The following PAX3 variants were observed in gnomAD, a reference collection of about 807,000 sequenced individuals.
PAX3 encodes paired box protein Pax-3.
A neutral mutation model predicts 51.6 loss-of-function variants in PAX3; 14 were observed. That is an observed-to-expected ratio of 0.27 (90% CI 0.18 to 0.42). The LOEUF is 0.42. Ranked by LOEUF, PAX3 falls within the 10% of genes least tolerant of loss-of-function variation. The pLI, the probability that PAX3 is intolerant of heterozygous loss-of-function variation, is 1.00. For missense variants in PAX3, 540 were observed against 642.8 expected (o/e 0.84, Z 1.73); for synonymous variants, 280 against 253.4 (o/e 1.11, Z -1.00).
Position 222,201,369 on chromosome 2 carries a change from A to G in PAX3, c.*39T>C. 1 of 1,612,858 alleles carries G rather than the reference A, an allele frequency of 6.2e-7. No homozygotes were observed. On this transcript the variant is annotated 3_prime_UTR_variant, in exon 9 of 9. Transcript: ENST00000392070. ...TCTTCATATCTAGGCTGCGAAGACCAGAAACAGGGCCAGTTTTAGCTCCAA... is the reference window on the plus strand; with the variant it reads ...TCTTCATATCTAGGCTGCGAAGACCGGAAACAGGGCCAGTTTTAGCTCCAA...
intron 4 of PAX3, chr2:222,293,541 T>G (rs902254317): frequency 7.5e-7 from 1 of 1,331,608 alleles, no homozygotes. Flanking sequence ...TCCCTTCAAT[T>G]TGTAACCCAG....
intron 4 of PAX3, among the ~76,000 whole-genome samples, chr2:222,247,267 A>G (rs538113322): frequency 6.6e-6 from 1 of 152,328 alleles, no homozygotes; most frequent in South Asian, 2.1e-4. Context: ...GCTGAGTTTA[A>G]GCCTCTGCAC....
chr2:222,297,400 G>T (rs1472813532), intron 1 of PAX3, among the ~76,000 whole-genome samples, 187 bp from the exon 2 acceptor site: 1 of 152,226 alleles, frequency 6.6e-6, no homozygotes, highest in Non-Finnish European at 1.5e-5. Flanking sequence ...AAATTATTCA[G>T]CAATATAGCG....
At chr2:222,273,276 T>G (rs758383936) in intron 4 of PAX3, among the ~76,000 whole-genome samples, 1 of 152,200 alleles carries the variant, frequency 6.6e-6, no homozygotes, top group Non-Finnish European at 1.5e-5. Flanking sequence ...TGTGGCTTCA[T>G]TGTGACTCTT....
chr2:222,228,067 A>G (rs1385872700), intron 5 of PAX3, among the ~76,000 whole-genome samples: 1 of 152,200 alleles, frequency 6.6e-6, no homozygotes, highest in African/African-American at 2.4e-5. Context: ...TGACTTGGCT[A>G]CTGCTTTCCC....
chr2:222,260,564 T>TG (rs1693810043), intron 4 of PAX3, among the ~76,000 whole-genome samples: 5 of 63,698 alleles, frequency 7.8e-5, no homozygotes, highest in Admixed American at 2.6e-4. Flanking sequence ...TTTTTTTTTT[T>TG]GTTTTTTTTT....
chr2:222,207,345 A>C (rs530978221), intron 7 of PAX3, among the ~76,000 whole-genome samples: 3 of 152,192 alleles, frequency 2.0e-5, no homozygotes, highest in Non-Finnish European at 4.4e-5. Flanking sequence ...TCTGTTTGAA[A>C]GCTGTAAGAG....
rs373418805 is a variant in PAX3, at chr2:222,215,142, G to A, written c.1173+4998C>T. On this transcript the variant is annotated intron_variant, in intron 7 of 8. Transcript: ENST00000392070. The stretch of plus-strand genomic sequence containing the variant: ...TTAAAATGAATGTAGGAAAGGCTCA[G>A]AAAGCTTCTTGGATATCAAACGGCT... Among the ~76,000 whole-genome samples the A allele has an allele frequency of 8.5e-5, 13 of 152,224 alleles. No homozygotes were observed. The South Asian group carries it at 1.7e-3, about 19-fold the overall frequency.
rs564340850 is a variant in PAX3 at position 222,200,419 on chromosome 2, C to G, written c.*989G>C. 8.7e-6 allele frequency: 2 copies of G among 228,984 alleles called. No individual in the cohort carries two copies. Among genetic ancestry groups the G allele is most frequent in the Non-Finnish European group, 1.7e-5 (2 of 115,248 alleles). The allele number at this position is 228,984 out of a possible 1,614,324, so 14.2% of individuals were successfully genotyped here. On this transcript the variant is annotated 3_prime_UTR_variant, in exon 9 of 9. Coordinates refer to ENST00000392070, the MANE Select transcript of PAX3 (RefSeq NM_181458.4). ...CTGGTCTCTAATCAAAGGAGCAACCCGGGTGTTGGTTGTCCAGCAAATGGC... is the reference window on the plus strand; with the variant it reads ...CTGGTCTCTAATCAAAGGAGCAACCGGGGTGTTGGTTGTCCAGCAAATGGC...
At chr2:222,208,288 G>A (rs915019933) in intron 7 of PAX3, among the ~76,000 whole-genome samples, 1 of 145,960 alleles carries the variant, frequency 6.9e-6, no homozygotes, top group African/African-American at 2.4e-5. Context: ...AATATTGGGG[G>A]ACTATAGCAA....
At chr2:222,259,263 G>C (rs12614992) in intron 4 of PAX3, among the ~76,000 whole-genome samples, 15,678 of 152,110 alleles carry the variant, frequency 0.1, 985 homozygotes, top group East Asian at 0.33. Context: ...GAACATCACT[G>C]TTTGAATAAG....
Position 222,297,108 on chromosome 2 carries a change from T to C in PAX3, c.191A>G (p.His64Arg). 6.2e-7 allele frequency: 1 copy of C among 1,613,874 alleles called. No individual in the cohort carries two copies. Among genetic ancestry groups the C allele is most frequent in the South Asian group, 1.1e-5 (1 of 91,020 alleles). Residue 64 changes from histidine to arginine, a missense_variant, in exon 2 of 9, where the codon CAC becomes CGC. His to Arg is a conservative substitution (Grantham distance 29). This residue lies in a region of PAX3 where 50 missense variants were observed against 109.3 expected (regional missense o/e 0.46). Coordinates refer to ENST00000392070, the MANE Select transcript of PAX3 (RefSeq NM_181458.4). The part of the protein sequence containing the change: ...HIRHKIVEMA[H>R]HGIRPCVISR... ...GATGACGCAGGGCCGGATGCCGTGG[T>C]GGGCCATCTCCACGATCTTGTGGCG...
chr2:222,240,138 G>A (rs1424250398), intron 4 of PAX3, among the ~76,000 whole-genome samples: 3 of 152,176 alleles, frequency 2.0e-5, no homozygotes, highest in Non-Finnish European at 4.4e-5. Flanking sequence ...CTGCTGCCCT[G>A]GGAGGAGAGT....
chr2:222,220,790 G>A (rs186928665), intron 6 of PAX3, among the ~76,000 whole-genome samples: 3 of 152,134 alleles, frequency 2.0e-5, no homozygotes, highest in South Asian at 2.1e-4. Flanking sequence ...CAAAATAATC[G>A]GATCTTACAA....
chr2:222,286,580 A>G (rs902703771), intron 4 of PAX3, among the ~76,000 whole-genome samples: 6 of 152,264 alleles, frequency 3.9e-5, no homozygotes, highest in African/African-American at 1.2e-4. Flanking sequence ...TTTCACTTAA[A>G]AAATCCTGCA....
chr2:222,295,792 C>G (rs1204047637), intron 2 of PAX3, 135 bp from the exon 3 acceptor site: 1 of 995,142 alleles, frequency 1.0e-6, no homozygotes, highest in African/African-American at 1.6e-5. Flanking sequence ...AGCAAAAAGA[C>G]CTGAACTCTC....
intron 4 of PAX3, among the ~76,000 whole-genome samples, chr2:222,266,815 A>C (rs1183047312): frequency 6.6e-6 from 1 of 152,230 alleles, no homozygotes; most frequent in Non-Finnish European, 1.5e-5. Context: ...CCCAAATATC[A>C]TACAGATCCC....
intron 4 of PAX3, chr2:222,293,485 C>A: frequency 1.4e-6 from 1 of 703,770 alleles, no homozygotes. Flanking sequence ...GAATGGGGAT[C>A]TGTACCCCTA....
chr2:222,215,784 C>A (rs1691931661), intron 7 of PAX3, among the ~76,000 whole-genome samples: 1 of 152,064 alleles, frequency 6.6e-6, no homozygotes, highest in African/African-American at 2.4e-5. Context: ...GTCTGTATTA[C>A]CCCATGCACT....
Sources: allele counts gnomAD v4.1 joint callset (sites outside exome capture counted in the v4.1 genomes callset), GRCh38; gene constraint gnomAD v4.1.1; regional missense constraint gnomAD v4.1.1; transcripts MANE v1.5; gene names NCBI Gene and HGNC (gene_info 2026-07-23, HGNC 2026-07-21).